The following NTRK2 variants were observed in gnomAD, a reference collection of about 807,000 sequenced individuals.
NTRK2 encodes the protein neurotrophic receptor tyrosine kinase 2.
In NTRK2, 13 loss-of-function variants were observed where a neutral mutation model predicts 94.5. The observed-to-expected ratio is 0.14, with a 90% CI of 0.09 to 0.22. The LOEUF (loss-of-function observed/expected upper bound fraction) is 0.22, where lower values mean the gene tolerates loss of function less well. NTRK2 is among the 10% of genes least tolerant of loss of function. The probability of loss-of-function intolerance (pLI) is 1.00; values close to 1 mark genes in which losing one functional copy is unlikely to be tolerated. For missense variants in NTRK2, 639 were observed against 1,071.2 expected (o/e 0.60, Z 5.63); for synonymous variants, 372 against 407.4 (o/e 0.91, Z 1.05).
intron 17 of NTRK2, among the ~76,000 whole-genome samples, chr9:84,971,860 G>C (rs1411104676): frequency 6.6e-6 from 1 of 152,146 alleles, no homozygotes; most frequent in Non-Finnish European, 1.5e-5. Flanking sequence ...CCTGGAGGTG[G>C]ATTGGGTATG....
At chr9:84,815,229 T>A (rs1218484449) in intron 12 of NTRK2, 1 of 1,056,488 alleles carries the variant, frequency 9.5e-7, no homozygotes, top group African/African-American at 1.7e-5. Flanking sequence ...AGTATAGCTT[T>A]GGCATGTTCA....
At chr9:84,731,454 A>T (rs569002833) in intron 9 of NTRK2, among the ~76,000 whole-genome samples, 1 of 152,204 alleles carries the variant, frequency 6.6e-6, no homozygotes, top group Non-Finnish European at 1.5e-5. Context: ...AACGTAAAAA[A>T]TAATTTTTAA....
chr9:84,815,209 C>T, intron 12 of NTRK2: 1 of 1,056,926 alleles, frequency 9.5e-7, no homozygotes, highest in Non-Finnish European at 1.1e-6. Context: ...TGAATTCAGG[C>T]TAGTGTTGCA....
At chr9:84,730,783 C>CA in intron 9 of NTRK2, among the ~76,000 whole-genome samples, 330 of 24,128 alleles carry the variant, frequency 0.014, 28 homozygotes, top group Admixed American at 0.031. Flanking sequence ...AAACAAATAG[C>CA]AAAAAAAAAA....
chr9:84,736,036 G>A (rs1054233113), intron 9 of NTRK2, among the ~76,000 whole-genome samples: 1 of 152,218 alleles, frequency 6.6e-6, no homozygotes, highest in Non-Finnish European at 1.5e-5. Flanking sequence ...TCCTATAAAT[G>A]TGAACATCAC....
rs1587978159 is a variant in NTRK2 at position 84,934,368 on chromosome 9, T to A, written c.1764+76T>A. ...GGAAATTTAACTCTATTTTATTATA[T>A]TTTGGTGGCCAATGCAGGAGTAAAT... On this transcript the variant is annotated intron_variant, in intron 15 of 18. Transcript: ENST00000277120. 6.5e-6 allele frequency: 10 copies of A among 1,539,948 alleles called. No individual in the cohort carries two copies. The East Asian group carries it at 2.3e-4, about 35-fold the overall frequency.
chr9:84,814,141 T>C (rs1033186458), intron 12 of NTRK2: 8 of 1,065,370 alleles, frequency 7.5e-6, no homozygotes, highest in Admixed American at 5.3e-5. Flanking sequence ...TTTCCAGAAA[T>C]AGGTAGCAAG....
chr9:85,019,788 C>T (rs1832619584), intron 17 of NTRK2, among the ~76,000 whole-genome samples: 3 of 152,194 alleles, frequency 2.0e-5, no homozygotes, highest in African/African-American at 7.2e-5. Flanking sequence ...GAGACTCTGG[C>T]CTTGCCAAGG....
At chr9:84,796,687 G>C (rs1174137015) in intron 12 of NTRK2, among the ~76,000 whole-genome samples, 1 of 152,170 alleles carries the variant, frequency 6.6e-6, no homozygotes, top group East Asian at 1.9e-4. Flanking sequence ...TTAATTTAGT[G>C]AGGAATTGGG....
chr9:84,791,347 A>G (rs1244962656), intron 12 of NTRK2, among the ~76,000 whole-genome samples: 1 of 152,076 alleles, frequency 6.6e-6, no homozygotes, highest in Non-Finnish European at 1.5e-5. Context: ...ATATACTTAT[A>G]TTTTCTTATG....
chr9:84,960,883 T>C (rs561344794), intron 17 of NTRK2, among the ~76,000 whole-genome samples: 2 of 152,258 alleles, frequency 1.3e-5, no homozygotes, highest in East Asian at 3.9e-4. Flanking sequence ...GCATATGAGG[T>C]GGTCAGTACA....
At position 84,944,209 on chromosome 9, in the gene NTRK2, T is replaced by TCACACACACA. The variant is rs1482521508; in HGVS notation, c.1765-4252_1765-4251insACACACACAC. On this transcript the variant is annotated intron_variant, in intron 15 of 18. Coordinates refer to ENST00000277120, the MANE Select transcript of NTRK2 (RefSeq NM_006180.6). ...AAAGCTTGTTCTCTCTCTCTCTCTCTCTCTCTCACACACACACACACACAC... is the reference window on the plus strand; with the variant it reads ...AAAGCTTGTTCTCTCTCTCTCTCTCTCACACACACACTCTCTCACACACACACACACACAC... Among the ~76,000 whole-genome samples, 496 of 140,214 alleles carry TCACACACACA rather than the reference T, an allele frequency of 3.5e-3. 2 individuals are homozygous for TCACACACACA. The highest frequency in any genetic ancestry group is 0.014 in the African/African-American group (476 of 35,174). The allele number at this position is 140,214 out of a possible 152,430, so 92.0% of individuals were successfully genotyped here.
chr9:84,813,448 G>C, intron 12 of NTRK2: 1 of 1,064,700 alleles, frequency 9.4e-7, no homozygotes, highest in South Asian at 4.5e-5. Context: ...CTTAAAACAT[G>C]ATCATTGTTC....
At chr9:84,815,851 A>G in intron 12 of NTRK2, 2 of 605,542 alleles carry the variant, frequency 3.3e-6, no homozygotes, top group Non-Finnish European at 4.2e-6. Flanking sequence ...GTTTCAGGGG[A>G]GTACCAGGCC....
chr9:84,779,397 A>T (rs748781141), intron 12 of NTRK2, among the ~76,000 whole-genome samples: 11 of 152,244 alleles, frequency 7.2e-5, no homozygotes, highest in Admixed American at 6.5e-5. Context: ...GCTAAGGCCA[A>T]ATTGCAAAGA....
chr9:84,809,152 G>A (rs1010568002), intron 12 of NTRK2, among the ~76,000 whole-genome samples: 2 of 152,002 alleles, frequency 1.3e-5, no homozygotes, highest in African/African-American at 2.4e-5. Flanking sequence ...ATCTCATAGG[G>A]TTATTGTAAA....
chr9:84,849,873 T>A (rs1416984333), intron 12 of NTRK2, among the ~76,000 whole-genome samples: 1 of 152,224 alleles, frequency 6.6e-6, no homozygotes, highest in Non-Finnish European at 1.5e-5. Context: ...AATTGAGACA[T>A]CTATTGAGTA....
In NTRK2 at chr9:84,870,331, G is replaced by GTGTGTGTA. The variant is rs1349303529; in HGVS notation, c.1633+2901_1633+2902insGTGTGTAT. ...ATACATATATGTGGGGTGTGTGTGT[G>GTGTGTGTA]TATATATATATATATATATATATAT... On this transcript the variant is annotated intron_variant, in intron 14 of 18. Transcript: ENST00000277120. Among the ~76,000 whole-genome samples the GTGTGTGTA allele has an allele frequency of 1.6e-3, 49 of 31,168 alleles. 2 individuals carry two copies. The highest frequency in any genetic ancestry group is 4.0e-3 in the African/African-American group (45 of 11,340). 20.4% of individuals were successfully genotyped at this position (31,168 alleles called of 152,430 possible).
intron 17 of NTRK2, among the ~76,000 whole-genome samples, chr9:84,985,172 G>C (rs1828144204): frequency 6.6e-6 from 1 of 152,198 alleles, no homozygotes; most frequent in South Asian, 2.1e-4. Context: ...GAAATAGCTA[G>C]TCAGATATTA....
Sources: gnomAD v4.1 joint callset for allele counts (sites outside exome capture counted in the v4.1 genomes callset) on GRCh38, gnomAD v4.1.1 for gene constraint, MANE v1.5 for transcripts, NCBI Gene and HGNC (gene_info 2026-07-23, HGNC 2026-07-21) for gene names.